Variants in TMPRSS11D observed in about 807,000 individuals in gnomAD.
TMPRSS11D encodes transmembrane protease serine 11D.
A neutral mutation model predicts 44.4 loss-of-function variants in TMPRSS11D; 32 were observed. The ratio of observed to expected loss-of-function variants is 0.72; its 90% CI spans 0.54 to 0.97. The LOEUF (loss-of-function observed/expected upper bound fraction) is 0.97, where lower values mean the gene tolerates loss of function less well. Ranked by LOEUF, TMPRSS11D falls within the 50% of genes least tolerant of loss-of-function variation. The pLI, the probability that TMPRSS11D is intolerant of heterozygous loss-of-function variation, is 0.00. For missense variants in TMPRSS11D, 446 were observed against 502.6 expected, an observed-to-expected ratio of 0.89 and a Z score of 1.08; for synonymous variants, 179 against 177.9, an observed-to-expected ratio of 1.01 and a Z score of -0.05.
At chr4:67,845,473 T>C (rs755338914) in intron 3 of TMPRSS11D, among the ~76,000 whole-genome samples, 30 of 152,134 alleles carry the variant, frequency 2.0e-4, no homozygotes, top group Non-Finnish European at 3.1e-4. Context: ...AAAAGGAAAG[T>C]AGTTAACGTG....
Position 67,822,315 on chromosome 4 carries a change from C to T in TMPRSS11D, c.*22G>A, listed in dbSNP as rs767883342. Reference sequence around the variant, plus strand: ...CAGGCACACCTGCATACAGACTTTGCAACAGGGATGCACTTGTTGCACTAG... The same window carrying T: ...CAGGCACACCTGCATACAGACTTTGTAACAGGGATGCACTTGTTGCACTAG... On this transcript the variant is annotated 3_prime_UTR_variant, in exon 10 of 10. Transcript: ENST00000283916. 5.6e-6 allele frequency: 9 copies of T among 1,611,210 alleles called. No individual in the cohort carries two copies. In the Admixed American group the frequency reaches 1.0e-4, roughly 18 times the overall value.
chr4:67,826,071 G>GT (rs965798177), intron 8 of TMPRSS11D, among the ~76,000 whole-genome samples, 197 bp from the exon 9 acceptor site: 14 of 151,040 alleles, frequency 9.3e-5, no homozygotes, highest in South Asian at 4.2e-4. Context: ...TCACAGATCA[G>GT]TTTTTTTTTC....
At chr4:67,844,550 G>A (rs1217395044) in intron 3 of TMPRSS11D, among the ~76,000 whole-genome samples, 1 of 151,976 alleles carries the variant, frequency 6.6e-6, no homozygotes, top group Admixed American at 6.6e-5. Context: ...GAGGCAAGTG[G>A]ATCACTTGAG....
intron 3 of TMPRSS11D, among the ~76,000 whole-genome samples, chr4:67,846,216 T>A (rs1718353342): frequency 6.6e-6 from 1 of 152,142 alleles, no homozygotes; most frequent in South Asian, 2.1e-4. Context: ...TATGTGCTCC[T>A]ATGGGTGAAA....
At chr4:67,848,751 A>T (rs1348027333) in intron 3 of TMPRSS11D, among the ~76,000 whole-genome samples, 1 of 152,198 alleles carries the variant, frequency 6.6e-6, no homozygotes, top group Non-Finnish European at 1.5e-5. Context: ...GGTTGTACTT[A>T]AGGAATGAAA....
chr4:67,825,071 TATA>T (rs1277751624), intron 9 of TMPRSS11D, among the ~76,000 whole-genome samples: 1 of 152,126 alleles, frequency 6.6e-6, no homozygotes, highest in African/African-American at 2.4e-5. Flanking sequence ...TAGATCCAAA[TATA>T]ATAGTTATTT....
In TMPRSS11D at chr4:67,822,427, C is replaced by G. The variant is rs1173004557; in HGVS notation, c.1167G>C (p.Trp389Cys). The G allele has an allele frequency of 1.2e-6, 2 of 1,613,900 alleles. No individual in the cohort carries two copies. Among genetic ancestry groups the G allele is most frequent in the Non-Finnish European group, 1.7e-6 (2 of 1,179,902 alleles). The change falls in exon 10 of 10, where the codon TGG becomes TGC. Residue 389 changes from tryptophan to cysteine, a missense_variant. By Grantham distance (215) the Trp-to-Cys change is radical (BLOSUM62 -2). Transcript: ENST00000283916. ...RLWFIVGIVS[W>C]GDQCGLPDKP... ...TATCCGGCAGGCCACACTGATCTCCCCAGCTTACTATCCCCACAATAAACC... is the reference window on the plus strand; with the variant it reads ...TATCCGGCAGGCCACACTGATCTCCGCAGCTTACTATCCCCACAATAAACC...
intron 7 of TMPRSS11D, among the ~76,000 whole-genome samples, chr4:67,829,998 T>C (rs780333730): frequency 3.9e-5 from 6 of 152,158 alleles, no homozygotes; most frequent in Non-Finnish European, 7.4e-5. Context: ...GAAAGATAAG[T>C]ACAAATATTT....
intron 1 of TMPRSS11D, among the ~76,000 whole-genome samples, chr4:67,870,858 T>C (rs948415356): frequency 2.0e-5 from 3 of 152,032 alleles, no homozygotes; most frequent in African/African-American, 7.2e-5. Context: ...TGCTTTATTA[T>C]TATTTGCTTT....
intron 6 of TMPRSS11D, among the ~76,000 whole-genome samples, chr4:67,834,227 T>G (rs1488390803): frequency 6.6e-6 from 1 of 152,030 alleles, no homozygotes; most frequent in Admixed American, 6.6e-5. Flanking sequence ...GGCTTTTAAG[T>G]AGTGCCCTGG....
At chr4:67,858,335 T>C (rs1286422196) in intron 2 of TMPRSS11D, among the ~76,000 whole-genome samples, 1 of 152,152 alleles carries the variant, frequency 6.6e-6, no homozygotes, top group African/African-American at 2.4e-5. Context: ...GCCTACTCTT[T>C]AAGCATGACA....
intron 1 of TMPRSS11D, among the ~76,000 whole-genome samples, chr4:67,883,118 TA>T (rs1719361344): frequency 6.6e-6 from 1 of 152,048 alleles, no homozygotes; most frequent in African/African-American, 2.4e-5. Flanking sequence ...AGATTTAAAA[TA>T]AATTCAGCTG....
chr4:67,873,069 A>C (rs1041234166), intron 1 of TMPRSS11D, among the ~76,000 whole-genome samples: 2 of 152,340 alleles, frequency 1.3e-5, no homozygotes, highest in African/African-American at 4.8e-5. Flanking sequence ...GAGTGGATAA[A>C]GGACTGAAAA....
chr4:67,880,450 T>C (rs994783182), intron 1 of TMPRSS11D, among the ~76,000 whole-genome samples: 13 of 152,138 alleles, frequency 8.5e-5, no homozygotes, highest in African/African-American at 2.9e-4. Flanking sequence ...TTTTTTTTAA[T>C]TGGGGATAGT....
At chr4:67,857,287 A>AG (rs1263016319) in intron 2 of TMPRSS11D, among the ~76,000 whole-genome samples, 1 of 8,306 alleles carries the variant, frequency 1.2e-4, no homozygotes, top group Non-Finnish European at 2.0e-4. Context: ...ATATATATAT[A>AG]TATATATATA....
At position 67,822,366 on chromosome 4, in the gene TMPRSS11D, C is replaced by A; in HGVS notation, c.1228G>T (p.Asp410Tyr). Reference sequence around the variant, plus strand: ...ATCCCAGTTTGTTGCCTAATCCAGTCAAGGTAGGCTGTCACTCGAGTATAC... The same window carrying A: ...ATCCCAGTTTGTTGCCTAATCCAGTAAAGGTAGGCTGTCACTCGAGTATAC... Reference protein sequence around the residue: ...GVYTRVTAYLDWIRQQTGI With the variant: ...GVYTRVTAYLYWIRQQTGI The change falls in exon 10 of 10, where the codon GAC becomes TAC. Residue 410 changes from aspartate to tyrosine, a missense_variant. Physicochemically the swap from Asp to Tyr is radical, Grantham distance 160 (BLOSUM62 -3). Transcript: ENST00000283916. 1 of 1,613,792 alleles carries A rather than the reference C, an allele frequency of 6.2e-7. No individual in the cohort carries two copies. Among genetic ancestry groups the A allele is most frequent in the South Asian group, 1.1e-5 (1 of 91,054 alleles).
chr4:67,868,443 T>C (rs1412136369), intron 1 of TMPRSS11D, among the ~76,000 whole-genome samples: 1 of 152,104 alleles, frequency 6.6e-6, no homozygotes, highest in Non-Finnish European at 1.5e-5. Context: ...AAAACTATTA[T>C]AAAAATTCCT....
In TMPRSS11D at chr4:67,838,179, C is replaced by T. The variant is rs549960939; in HGVS notation, c.468G>A (p.Glu156=). The T allele has an allele frequency of 5.9e-6, 9 of 1,535,342 alleles. No individual in the cohort carries two copies. The East Asian group carries it at 1.9e-4, about 33-fold the overall frequency. Residue 156 remains glutamate, a synonymous_variant, in exon 5 of 10, where the codon GAG becomes GAA. Coordinates refer to ENST00000283916, the MANE Select transcript of TMPRSS11D (RefSeq NM_004262.3). ...ATGAAAAATTATACTTACATGTTAT[C>T]TCAGTTGAAGGGTTTATTTCCAGGT... ...SGNLEINPST[E]ITSLTDQAAA...
At chr4:67,830,875 T>C (rs1717928132) in intron 7 of TMPRSS11D, among the ~76,000 whole-genome samples, 1 of 152,144 alleles carries the variant, frequency 6.6e-6, no homozygotes, top group African/African-American at 2.4e-5. Flanking sequence ...TATTTACATA[T>C]AAAATGTGAT....
Sources: allele counts gnomAD v4.1 joint callset (sites outside exome capture counted in the v4.1 genomes callset), GRCh38; gene constraint gnomAD v4.1.1; transcripts MANE v1.5; gene names NCBI Gene and HGNC (gene_info 2026-07-23, HGNC 2026-07-21).